Variants in FBXO41 observed in about 807,000 individuals in gnomAD.
FBXO41 encodes the protein F-box only protein 41.
A neutral mutation model predicts 81.6 loss-of-function variants in FBXO41; 33 were observed. The observed-to-expected ratio is 0.40, with a 90% CI of 0.31 to 0.54. The LOEUF (loss-of-function observed/expected upper bound fraction) is 0.54, where lower values mean the gene tolerates loss of function less well. Among genes scored for constraint, FBXO41 ranks in the 20% least tolerant of loss-of-function variants. FBXO41 has a pLI of 0.39. For synonymous variants in FBXO41, 576 were observed against 552.7 expected, an observed-to-expected ratio of 1.04 and a Z score of -0.59; for missense variants, 1,107 against 1,236.0, an observed-to-expected ratio of 0.90 and a Z score of 1.56.
chr2:73,264,950 G>A (rs1310772282), intron 5 of FBXO41, among the ~76,000 whole-genome samples: 1 of 152,118 alleles, frequency 6.6e-6, no homozygotes, highest in African/African-American at 2.4e-5. Flanking sequence ...TATGTGTGGT[G>A]CCTTCTGTGA....
rs754064440 is a variant in FBXO41, at chr2:73,265,422, C to T, written c.1424G>A (p.Arg475His). 2.2e-5 allele frequency: 36 copies of T among 1,608,660 alleles called. No individual in the cohort carries two copies. The highest frequency in any genetic ancestry group is 1.9e-4 in the South Asian group (17 of 91,062). Residue 475 changes from arginine to histidine, a missense_variant, in exon 5 of 13, where the codon CGC (arginine) becomes CAC (histidine). Arg to His is a conservative substitution (Grantham distance 29). Transcript: ENST00000520530. ...CTCTTCCCCCTCAGTGCTGTGTCGG[C>T]GGGGTCTGCGCTGCCAGTTCTGGAT... ...QAIQNWQRRP[R>H]RHSTEGEEGD...
rs1687902303 is a variant in FBXO41, at chr2:73,258,708, C to A, written c.*274G>T. 5 of 435,452 alleles carry A rather than the reference C, an allele frequency of 1.1e-5. No homozygotes were observed. In the South Asian group the frequency reaches 3.5e-4, roughly 30 times the overall value. 27.0% of individuals were successfully genotyped at this position (435,452 alleles called of 1,614,324 possible). A position where few individuals can be genotyped will look rare whatever the true frequency, so the allele number is the denominator to read the frequency against. On this transcript the variant is annotated 3_prime_UTR_variant, in exon 13 of 13. Coordinates refer to ENST00000520530, the MANE Select transcript of FBXO41 (RefSeq NM_001371389.2). Reference sequence around the variant, plus strand: ...ACACCAGGCGCTGGTGGTGACAGCTCCTCACTGGCTGTGCCAGAGGCTACT... The same window carrying A: ...ACACCAGGCGCTGGTGGTGACAGCTACTCACTGGCTGTGCCAGAGGCTACT...
At position 73,266,675 on chromosome 2, in the gene FBXO41, C is replaced by T. The variant is rs764485154; in HGVS notation, c.913G>A (p.Val305Met). The T allele has an allele frequency of 1.1e-5, 18 of 1,586,414 alleles. No homozygotes were observed. Among genetic ancestry groups the T allele is most frequent in the Non-Finnish European group, 1.7e-6 (2 of 1,167,038 alleles). Residue 305 changes from valine to methionine, a missense_variant, in exon 3 of 13, where the codon GTG becomes ATG. This residue lies in a region of FBXO41 where 771 missense variants were observed against 789.2 expected (regional missense o/e 0.98). Coordinates refer to ENST00000520530, the MANE Select transcript of FBXO41 (RefSeq NM_001371389.2). This position sits in a 1 kb window ranked among gnomAD's most constrained non-coding sequence, Gnocchi z 5.3. The stretch of plus-strand genomic sequence containing the variant: ...TCCTTCAGGAACTGGTCGATCTGCA[C>T]CACCTCCCTGGGCCCAGAGCAGTCT... ...QELSRKQQEV[V>M]QIDQFLKETA...
chr2:73,283,331 G>A (rs1185268529), intron 1 of FBXO41, among the ~76,000 whole-genome samples: 1 of 152,160 alleles, frequency 6.6e-6, no homozygotes, highest in Non-Finnish European at 1.5e-5. Context: ...AGACCCTCAG[G>A]GGTCAATGCA....
Position 73,265,077 on chromosome 2 carries a change from C to G in FBXO41, c.1564+205G>C, listed in dbSNP as rs987229985. Reference sequence around the variant, plus strand: ...CCACGTGAATGGCCCCCCTGCCCCCCAGATGTGGCATCCTTGTGCAACAGA... The same window carrying G: ...CCACGTGAATGGCCCCCCTGCCCCCGAGATGTGGCATCCTTGTGCAACAGA... On this transcript the variant is annotated intron_variant, in intron 5 of 12. Transcript: ENST00000520530. Among the ~76,000 whole-genome samples, 5 of 152,240 alleles carry G rather than the reference C, an allele frequency of 3.3e-5. No individual in the cohort carries two copies. The East Asian group carries it at 5.8e-4, about 18-fold the overall frequency.
At chr2:73,270,044 T>C (rs1191494365) in intron 1 of FBXO41, among the ~76,000 whole-genome samples, 1 of 152,202 alleles carries the variant, frequency 6.6e-6, no homozygotes, top group African/African-American at 2.4e-5. Context: ...TGCCCATCAA[T>C]GGTAGAACGG....
chr2:73,283,646 G>A (rs1225989747), intron 1 of FBXO41, among the ~76,000 whole-genome samples: 1 of 152,230 alleles, frequency 6.6e-6, no homozygotes, highest in Admixed American at 6.5e-5. Context: ...ACTGTCACCA[G>A]TACAGGCACT....
chr2:73,278,931 G>A (rs904810418), intron 1 of FBXO41, among the ~76,000 whole-genome samples: 1 of 152,220 alleles, frequency 6.6e-6, no homozygotes, highest in Non-Finnish European at 1.5e-5. Context: ...CTGGCATGGG[G>A]CAGGTGCTCA....
rs557828947 is a variant in FBXO41, at chr2:73,261,454, G to A, written c.2172-596C>T. On this transcript the variant is annotated intron_variant, in intron 9 of 12. Coordinates refer to ENST00000520530, the MANE Select transcript of FBXO41 (RefSeq NM_001371389.2). ...TCATCCTCCACACTGCAGATAGGGA[G>A]CCCCTCATTCCTACATCCACTCACT... 2.6e-5 allele frequency among the ~76,000 whole-genome samples: 4 copies of A among 152,268 alleles called. No homozygotes were observed. The East Asian group carries it at 7.7e-4, about 29-fold the overall frequency.
Position 73,268,901 on chromosome 2 carries a change from T to C in FBXO41, c.730A>G (p.Lys244Glu). The C allele has an allele frequency of 6.5e-7, 1 of 1,548,892 alleles. No homozygotes were observed. The highest frequency in any genetic ancestry group is 8.7e-7 in the Non-Finnish European group (1 of 1,149,640). Residue 244 changes from lysine (K) to glutamate (E), a missense_variant, in exon 2 of 13, where the codon AAG (lysine) becomes GAG (glutamate). Around this residue, in one of 2 missense-constraint regions of FBXO41, gnomAD observed 771 missense variants for 789.2 expected, o/e 0.98. Coordinates refer to ENST00000520530, the MANE Select transcript of FBXO41 (RefSeq NM_001371389.2). ...VGRLQAELER[K>E]AAELETARQE... Reference sequence around the variant, plus strand: ...CGCGCAGTCTCCAGTTCGGCCGCCTTGCGCTCCAGCTCGGCCTGCAGCCGG... The same window carrying C: ...CGCGCAGTCTCCAGTTCGGCCGCCTCGCGCTCCAGCTCGGCCTGCAGCCGG...
In FBXO41 at chr2:73,266,022, A is replaced by C; in HGVS notation, c.1132-56T>G. The stretch of plus-strand genomic sequence containing the variant: ...GAGGGGCGGAGGAGGCAAGAGGATG[A>C]GCAGGAATAGCAGGGGAAACAGGGC... On this transcript the variant is annotated intron_variant, in intron 3 of 12. Coordinates refer to ENST00000520530, the MANE Select transcript of FBXO41 (RefSeq NM_001371389.2). The surrounding 1 kb of genome is among the most constrained non-coding windows in gnomAD (Gnocchi z 5.3). 1 of 1,457,942 alleles carries C rather than the reference A, an allele frequency of 6.9e-7. No individual in the cohort carries two copies. Among genetic ancestry groups the C allele is most frequent in the East Asian group, 2.5e-5 (1 of 40,090 alleles). 90.3% of individuals were successfully genotyped at this position (1,457,942 alleles called of 1,614,324 possible). A position where few individuals can be genotyped will look rare whatever the true frequency, so the allele number is the denominator to read the frequency against.
rs552984562 is a variant in FBXO41, at chr2:73,266,628, G to C, written c.960C>G (p.Ser320Arg). Residue 320 changes from serine (S) to arginine (R), a missense_variant, in exon 3 of 13, where the codon AGC becomes AGG. This residue lies in a region of FBXO41 where 771 missense variants were observed against 789.2 expected (regional missense o/e 0.98). Coordinates refer to ENST00000520530, the MANE Select transcript of FBXO41 (RefSeq NM_001371389.2). This position sits in a 1 kb window ranked among gnomAD's most constrained non-coding sequence, Gnocchi z 5.3. The stretch of plus-strand genomic sequence containing the variant: ...TGAACTGCTGCAGCCGCAGCTTGGC[G>C]CTGGCCTCCCGCGCCGCCGTCTCCT... ...FLKETAAREA[S>R]AKLRLQQFIE... 6 of 1,608,202 alleles carry C rather than the reference G, an allele frequency of 3.7e-6. No homozygotes were observed. Among genetic ancestry groups the C allele is most frequent in the Non-Finnish European group, 5.1e-6 (6 of 1,177,620 alleles).
intron 4 of FBXO41, 113 bp from the exon 5 acceptor site, chr2:73,265,753 G>GC (rs1312782859): frequency 2.6e-5 from 37 of 1,423,144 alleles, no homozygotes; most frequent in Admixed American, 4.9e-5. Context: ...CTTTCCAAAA[G>GC]CCCCCTCTGG....
rs371632758 is a variant in FBXO41, at chr2:73,265,272, C to T, written c.1564+10G>A. The stretch of plus-strand genomic sequence containing the variant: ...ACCTGTGTCCCCCTGCCCAGCCTTC[C>T]GGGACCTACCTGAGAGCCGGCAGCT... On this transcript the variant is annotated intron_variant, in intron 5 of 12. Coordinates refer to ENST00000520530, the MANE Select transcript of FBXO41 (RefSeq NM_001371389.2). The T allele has an allele frequency of 7.9e-5, 125 of 1,590,100 alleles. No homozygotes were observed. The highest frequency in any genetic ancestry group is 8.5e-5 in the Non-Finnish European group (99 of 1,170,672).
At position 73,257,435 on chromosome 2, in the gene FBXO41, G is replaced by A. The variant is rs1687856165; in HGVS notation, c.*1547C>T. On this transcript the variant is annotated 3_prime_UTR_variant, in exon 13 of 13. Transcript: ENST00000520530. The surrounding 1 kb of genome is among the most constrained non-coding windows in gnomAD (Gnocchi z 4.6). ...ACTCTTTACAAGGTAACCTGGGGGA[G>A]GGTCTTCATGTCCAAGCCAGGTTGT... 1 of 152,216 alleles carries A rather than the reference G, an allele frequency of 6.6e-6. No homozygotes were observed. The highest frequency in any genetic ancestry group is 2.4e-5 in the African/African-American group (1 of 41,428). The allele number at this position is 152,216 out of a possible 1,614,324, so 9.4% of individuals were successfully genotyped here.
In FBXO41 at chr2:73,263,821, C is replaced by T. The variant is rs765397768; in HGVS notation, c.1932G>A (p.Leu644=). The stretch of plus-strand genomic sequence containing the variant: ...TCAGCAGGGACTCCAGCCCAGCTTC[C>T]AGGCAGCCCCTGGGGATGACCAAGA... The part of the protein sequence containing the change: ...EEYARSTRGC[L]EAGLESLLKA... The change falls in exon 8 of 13, where the codon CTG becomes CTA. Residue 644 remains leucine, a synonymous_variant. Transcript: ENST00000520530. 6.2e-7 allele frequency: 1 copy of T among 1,614,026 alleles called. No individual in the cohort carries two copies. The highest frequency in any genetic ancestry group is 8.5e-7 in the Non-Finnish European group (1 of 1,179,886).
chr2:73,264,380 T>C lies in FBXO41; in HGVS notation c.1704A>G (p.Thr568=), dbSNP rs755489713. The C allele has an allele frequency of 9.3e-6, 15 of 1,613,648 alleles. No individual in the cohort carries two copies. Among genetic ancestry groups the C allele is most frequent in the Non-Finnish European group, 1.1e-5 (13 of 1,179,892 alleles). Residue 568 remains threonine, a synonymous_variant, in exon 6 of 13, where the codon ACA becomes ACG. Transcript: ENST00000520530. ...GGCAGACCTCGGCAGCATGCAGCAG[T>C]GTGCGCGTGTCCAGGTAGGTGAAGA... is the stretch of plus-strand genomic sequence containing the variant. ...FCIFTYLDTR[T]LLHAAEVCRD...
At chr2:73,277,572 GC>G (rs1202436205) in intron 1 of FBXO41, among the ~76,000 whole-genome samples, 1 of 148,392 alleles carries the variant, frequency 6.7e-6, no homozygotes, top group Non-Finnish European at 1.5e-5. Flanking sequence ...CCTATCTCAA[GC>G]CTACTCTCTT....
rs537401068 is a variant in FBXO41, at chr2:73,273,990, A to G, written c.-138-4222T>C. On this transcript the variant is annotated intron_variant, in intron 1 of 12. Transcript: ENST00000520530. The stretch of plus-strand genomic sequence containing the variant: ...TCAAGACCTACTGGTTTTTCCTTCC[A>G]AGTGCTTTCAACCCAACTGTTCTTT... Among the ~76,000 whole-genome samples the G allele has an allele frequency of 2.0e-4, 31 of 152,244 alleles. 1 individual carries two copies. The highest frequency in any genetic ancestry group is 7.5e-4 in the African/African-American group (31 of 41,542).
Sources: gnomAD v4.1 joint callset for allele counts (sites outside exome capture counted in the v4.1 genomes callset) on GRCh38, gnomAD v4.1.1 for gene constraint, gnomAD v4.1.1 regional missense constraint, Gnocchi (gnomAD v3.1) non-coding constraint, MANE v1.5 for transcripts, NCBI Gene and HGNC (gene_info 2026-07-23, HGNC 2026-07-21) for gene names.